Variants in GADL1 observed in about 807,000 individuals in gnomAD.
GADL1 encodes the protein GAD like acidic amino acid decarboxylase 1, also known as acidic amino acid decarboxylase GADL1.
A neutral mutation model predicts 69.5 loss-of-function variants in GADL1; 71 were observed. The ratio of observed to expected loss-of-function variants is 1.02; its 90% CI spans 0.84 to 1.25. GADL1 has a LOEUF of 1.25. GADL1 is among the 50% of genes most tolerant of loss of function. The pLI, the probability that GADL1 is intolerant of heterozygous loss-of-function variation, is 0.00. For missense variants in GADL1, 737 were observed against 631.8 expected (o/e 1.17, Z -1.79); for synonymous variants, 254 against 214.4 (o/e 1.18, Z -1.62).
At chr3:30,840,128 C>T (rs892665959) in intron 8 of GADL1, among the ~76,000 whole-genome samples, 1 of 151,978 alleles carries the variant, frequency 6.6e-6, no homozygotes. Context: ...ATTTTTTTCT[C>T]CATTTAGCAT....
intron 3 of GADL1, 95 bp from the exon 4 acceptor site, chr3:30,854,884 G>T: frequency 3.0e-6 from 2 of 677,536 alleles, no homozygotes; most frequent in Non-Finnish European, 5.1e-6. Flanking sequence ...GAAAATGAAA[G>T]CAGACACACA....
At chr3:30,766,310 G>A (rs917992096) in intron 14 of GADL1, among the ~76,000 whole-genome samples, 1 of 152,152 alleles carries the variant, frequency 6.6e-6, no homozygotes, top group Non-Finnish European at 1.5e-5. Context: ...TGAGCATCAG[G>A]GATGTCTTGA....
At chr3:30,764,217 T>A (rs1336563380) in intron 14 of GADL1, among the ~76,000 whole-genome samples, 3 of 113,924 alleles carry the variant, frequency 2.6e-5, no homozygotes, top group Non-Finnish European at 3.8e-5. Context: ...TGAAGAAAAA[T>A]TCTCTTAAGA....
chr3:30,748,271 C>T (rs1695741054), intron 14 of GADL1, among the ~76,000 whole-genome samples: 1 of 152,074 alleles, frequency 6.6e-6, no homozygotes, highest in Admixed American at 6.6e-5. Flanking sequence ...TTTAACATTT[C>T]CTTTAGACTA....
intron 14 of GADL1, among the ~76,000 whole-genome samples, chr3:30,765,122 A>AG (rs1553636861): frequency 6.6e-6 from 1 of 151,670 alleles, no homozygotes; most frequent in East Asian, 1.9e-4. Context: ...TACGCAAGAC[A>AG]GAGGTAGTTC....
At chr3:30,767,505 T>A (rs1696309781) in intron 14 of GADL1, among the ~76,000 whole-genome samples, 1 of 152,108 alleles carries the variant, frequency 6.6e-6, no homozygotes, top group Admixed American at 6.6e-5. Flanking sequence ...TTAGGAGGAA[T>A]TAATTAGAAA....
chr3:30,751,759 G>GC (rs1480946325), intron 14 of GADL1, among the ~76,000 whole-genome samples: 5 of 151,988 alleles, frequency 3.3e-5, no homozygotes, highest in African/African-American at 9.7e-5. Flanking sequence ...CTGCGCTGGT[G>GC]CCCCCCGATG....
At chr3:30,756,785 A>G (rs1300315633) in intron 14 of GADL1, among the ~76,000 whole-genome samples, 2 of 152,120 alleles carry the variant, frequency 1.3e-5, no homozygotes, top group Non-Finnish European at 2.9e-5. Flanking sequence ...AGAGCTCCCT[A>G]CCTGACCCAT....
chr3:30,811,407 C>G (rs1011385778), intron 11 of GADL1, among the ~76,000 whole-genome samples: 1 of 152,162 alleles, frequency 6.6e-6, no homozygotes, highest in Non-Finnish European at 1.5e-5. Context: ...TCTGCATGCC[C>G]TACAAGCATT....
rs77874481 is a variant in GADL1 at position 30,851,186 on chromosome 3, C to T, written c.429-245G>A. Among the ~76,000 whole-genome samples, 23 of 152,248 alleles carry T rather than the reference C, an allele frequency of 1.5e-4. No homozygotes were observed. The East Asian group carries it at 4.5e-3, about 30-fold the overall frequency. ...TGCTGCAGCAGTCTTTCGAGAAAAA[C>T]CTCAATTCCGTGAGGAGCAATAAAG... On this transcript the variant is annotated intron_variant, in intron 4 of 14. Transcript: ENST00000282538.
In GADL1 at chr3:30,760,197, G is replaced by A. The variant is rs142170390; in HGVS notation, c.1392+17982C>T. Among the ~76,000 whole-genome samples the A allele has an allele frequency of 4.6e-5, 7 of 152,226 alleles. No individual in the cohort carries two copies. In the East Asian group the frequency reaches 1.2e-3, roughly 25 times the overall value. ...TATGAAGTTTAATGCTTCCCTGTAG[G>A]ACACTTCCTTCCTGCACAATCATCT... On this transcript the variant is annotated intron_variant, in intron 14 of 14. Transcript: ENST00000282538.
Position 30,833,881 on chromosome 3 carries a change from C to A in GADL1, c.1022G>T (p.Cys341Phe). The A allele has an allele frequency of 6.2e-7, 1 of 1,612,804 alleles. No individual in the cohort carries two copies. The highest frequency in any genetic ancestry group is 1.1e-5 in the South Asian group (1 of 91,058). ...TTTGTCTTTCACAAGGAGAGCACAG[C>A]ACTGGATCCCAGCCATCAGCATCTT... ...PHKMLMAGIQ[C>F]CALLVKDKSD... is the part of the protein sequence containing the mutation. Residue 341 changes from cysteine (C) to phenylalanine (F), a missense_variant, in exon 11 of 15, where the codon TGC becomes TTC. By Grantham distance (205) the Cys-to-Phe change is radical. Coordinates refer to ENST00000282538, the MANE Select transcript of GADL1 (RefSeq NM_207359.3).
chr3:30,765,739 C>CCTA (rs1407263113), intron 14 of GADL1, among the ~76,000 whole-genome samples: 1 of 152,106 alleles, frequency 6.6e-6, no homozygotes, highest in East Asian at 1.9e-4. Context: ...CAAATATGAC[C>CCTA]CTAATGTGAC....
At chr3:30,849,818 G>A (rs530548495) in intron 6 of GADL1, among the ~76,000 whole-genome samples, 178 bp downstream of exon 6, 1 of 151,974 alleles carries the variant, frequency 6.6e-6, no homozygotes, top group Non-Finnish European at 1.5e-5. Context: ...TACAAAATTG[G>A]ACCAGGCGTT....
intron 11 of GADL1, among the ~76,000 whole-genome samples, chr3:30,816,959 A>G (rs1415239764): frequency 6.6e-6 from 1 of 152,114 alleles, no homozygotes. Context: ...TCACTTATAT[A>G]GTCCCCAAGC....
At chr3:30,764,500 C>T (rs1021127290) in intron 14 of GADL1, among the ~76,000 whole-genome samples, 1 of 152,130 alleles carries the variant, frequency 6.6e-6, no homozygotes, top group African/African-American at 2.4e-5. Flanking sequence ...GTTACATTTT[C>T]TTTCCAACTC....
At chr3:30,844,639 T>C (rs1698025432) in intron 6 of GADL1, among the ~76,000 whole-genome samples, 173 bp from the exon 7 acceptor site, 1 of 152,200 alleles carries the variant, frequency 6.6e-6, no homozygotes, top group Admixed American at 6.5e-5. Context: ...AACATTCACT[T>C]TGGGGTCAGA....
chr3:30,871,178 A>T (rs1320595471), intron 1 of GADL1, among the ~76,000 whole-genome samples: 1 of 151,406 alleles, frequency 6.6e-6, no homozygotes, highest in Non-Finnish European at 1.5e-5. Flanking sequence ...CCTTGCAGGG[A>T]CTTCAGTAGA....
At chr3:30,772,347 AG>A (rs551216304) in intron 14 of GADL1, among the ~76,000 whole-genome samples, 46 of 152,328 alleles carry the variant, frequency 3.0e-4, no homozygotes, top group African/African-American at 1.1e-3. Flanking sequence ...GTGTTGGCAT[AG>A]TGTACTTATT....
Sources: gnomAD v4.1 joint callset for allele counts (sites outside exome capture counted in the v4.1 genomes callset) on GRCh38, gnomAD v4.1.1 for gene constraint, MANE v1.5 for transcripts, NCBI Gene and HGNC (gene_info 2026-07-23, HGNC 2026-07-21) for gene names.